Variants in DYM observed in about 807,000 individuals in gnomAD.
DYM encodes dymeclin.
A neutral mutation model predicts 93.1 loss-of-function variants in DYM; 78 were observed. The observed-to-expected ratio is 0.84, with a 90% CI of 0.70 to 1.01. DYM has a LOEUF of 1.01. Among genes scored for constraint, DYM ranks in the 50% least tolerant of loss-of-function variants. The probability of loss-of-function intolerance (pLI) is 0.00; values close to 1 mark genes in which losing one functional copy is unlikely to be tolerated. For missense variants in DYM, 789 were observed against 845.0 expected, an observed-to-expected ratio of 0.93 and a Z score of 0.82; for synonymous variants, 321 against 319.7, an observed-to-expected ratio of 1.00 and a Z score of -0.04.
chr18:49,399,790 C>A (rs985216220), intron 2 of DYM, among the ~76,000 whole-genome samples: 6 of 152,068 alleles, frequency 3.9e-5, no homozygotes, highest in Non-Finnish European at 8.8e-5. Flanking sequence ...AGACACCACT[C>A]AGACCTTCAT....
At chr18:49,106,841 T>C (rs1317232416) in intron 16 of DYM, among the ~76,000 whole-genome samples, 1 of 152,220 alleles carries the variant, frequency 6.6e-6, no homozygotes, top group African/African-American at 2.4e-5. Flanking sequence ...CCTTAACATT[T>C]TTTCCTTCAT....
At chr18:49,221,913 A>G (rs1392382375) in intron 13 of DYM, among the ~76,000 whole-genome samples, 3 of 152,052 alleles carry the variant, frequency 2.0e-5, no homozygotes, top group African/African-American at 7.2e-5. Context: ...TAATAATAAT[A>G]AAATTTAAAA....
chr18:49,416,245 A>T (rs1022504928), intron 2 of DYM, among the ~76,000 whole-genome samples: 3 of 152,220 alleles, frequency 2.0e-5, no homozygotes, highest in Non-Finnish European at 4.4e-5. Context: ...TCTACATGGT[A>T]GGGGTTATTA....
At chr18:49,357,116 C>T (rs1167772919) in intron 6 of DYM, among the ~76,000 whole-genome samples, 3 of 152,136 alleles carry the variant, frequency 2.0e-5, no homozygotes, top group African/African-American at 7.2e-5. Context: ...AGTCCCTATC[C>T]AGTTCTTTTC....
At chr18:49,086,479 C>G (rs181431976) in intron 17 of DYM, among the ~76,000 whole-genome samples, 2 of 152,178 alleles carry the variant, frequency 1.3e-5, no homozygotes, top group Non-Finnish European at 2.9e-5. Flanking sequence ...CCTCTCAATA[C>G]GGCTGCACTG....
chr18:49,457,108 C>T (rs982329417), intron 1 of DYM, among the ~76,000 whole-genome samples: 3 of 152,206 alleles, frequency 2.0e-5, no homozygotes, highest in Non-Finnish European at 4.4e-5. Flanking sequence ...CTCTACCATT[C>T]CCAGCTGAGT....
chr18:49,217,927 A>C (rs2093155569), intron 13 of DYM, among the ~76,000 whole-genome samples: 2 of 152,200 alleles, frequency 1.3e-5, no homozygotes, highest in Non-Finnish European at 2.9e-5. Flanking sequence ...ATGTAAATGG[A>C]CTAAATGCTC....
chr18:49,234,193 G>A (rs2093792878), intron 13 of DYM, among the ~76,000 whole-genome samples: 1 of 151,948 alleles, frequency 6.6e-6, no homozygotes, highest in Non-Finnish European at 1.5e-5. Context: ...GGTGGCTCAT[G>A]CCTGTAATCT....
chr18:49,355,306 A>AT (rs1196921428), intron 6 of DYM, among the ~76,000 whole-genome samples: 1 of 152,040 alleles, frequency 6.6e-6, no homozygotes, highest in Non-Finnish European at 1.5e-5. Flanking sequence ...TCTATCATAG[A>AT]TATCATAGAT....
Position 49,363,211 on chromosome 18 carries a change from CA to C in DYM, c.443del (p.Leu148TrpfsTer8). ...GNYSSDSEDL[L>X]EELLCCLMQL... is the part of the protein sequence containing the mutation. ...GCATCAAACAGCACAGCAATTCTTC[CA>C]AAAGATCTTCTGAGTCAGAACCTGG... is the stretch of plus-strand genomic sequence containing the variant. On this transcript the variant is annotated frameshift_variant, in exon 6 of 18. Transcript: ENST00000675505. LOFTEE classifies it high-confidence loss of function. 1 of 1,613,862 alleles carries C rather than the reference CA, an allele frequency of 6.2e-7. No homozygotes were observed. Among genetic ancestry groups the C allele is most frequent in the South Asian group, 1.1e-5 (1 of 91,078 alleles).
chr18:49,387,280 G>A (rs201239326), intron 3 of DYM, among the ~76,000 whole-genome samples: 6 of 125,216 alleles, frequency 4.8e-5, no homozygotes, highest in African/African-American at 1.4e-4. Flanking sequence ...CAGTGATCTC[G>A]TTTGTTTGTT....
At chr18:49,222,111 A>G (rs1244208331) in intron 13 of DYM, among the ~76,000 whole-genome samples, 1 of 152,034 alleles carries the variant, frequency 6.6e-6, no homozygotes, top group African/African-American at 2.4e-5. Context: ...ACACAAAAAA[A>G]TCCTAAACTT....
At chr18:49,255,415 C>T (rs1182352203) in intron 13 of DYM, among the ~76,000 whole-genome samples, 2 of 151,830 alleles carry the variant, frequency 1.3e-5, no homozygotes, top group African/African-American at 2.4e-5. Context: ...GTGGCTCATG[C>T]CTGTAATCCC....
At chr18:49,411,142 A>T (rs1402448164) in intron 2 of DYM, among the ~76,000 whole-genome samples, 7 of 152,214 alleles carry the variant, frequency 4.6e-5, no homozygotes, top group African/African-American at 1.4e-4. Flanking sequence ...AAGAATAAAC[A>T]TATTTAACTT....
At chr18:49,156,202 T>G (rs1208670696) in intron 15 of DYM, among the ~76,000 whole-genome samples, 5 of 152,156 alleles carry the variant, frequency 3.3e-5, no homozygotes, top group African/African-American at 9.7e-5. Flanking sequence ...TTTGGAAAAA[T>G]GTCTATTAAG....
At chr18:49,357,397 C>G (rs985039131) in intron 6 of DYM, among the ~76,000 whole-genome samples, 1 of 152,166 alleles carries the variant, frequency 6.6e-6, no homozygotes, top group South Asian at 2.1e-4. Flanking sequence ...CTAAACTAAA[C>G]GGCCCCAGAA....
chr18:49,108,883 G>A (rs565593089), intron 16 of DYM, among the ~76,000 whole-genome samples: 36 of 152,186 alleles, frequency 2.4e-4, no homozygotes, highest in African/African-American at 7.2e-4. Flanking sequence ...CATGCATTTC[G>A]AAGCTCTGTT....
chr18:49,246,395 CA>C (rs1308750284), intron 13 of DYM, among the ~76,000 whole-genome samples: 1 of 152,182 alleles, frequency 6.6e-6, no homozygotes, highest in Non-Finnish European at 1.5e-5. Context: ...TGCAATTCAT[CA>C]AGAAGGAAAA....
rs574388287 is a variant in DYM, at chr18:49,186,769, G to T, written c.1625+22782C>A. Among the ~76,000 whole-genome samples, 25 of 152,154 alleles carry T rather than the reference G, an allele frequency of 1.6e-4. No individual in the cohort carries two copies. In the South Asian group the frequency reaches 1.9e-3, roughly 11 times the overall value. ...GGGCTTTCAGGTATATCTGTATCTAGTAACCAAAAATGCACGCATAATCCA... is the reference window on the plus strand; with the variant it reads ...GGGCTTTCAGGTATATCTGTATCTATTAACCAAAAATGCACGCATAATCCA... On this transcript the variant is annotated intron_variant, in intron 14 of 17. Coordinates refer to ENST00000675505, the MANE Select transcript of DYM (RefSeq NM_001353214.3).
Sources: allele counts gnomAD v4.1 joint callset (sites outside exome capture counted in the v4.1 genomes callset), GRCh38; gene constraint gnomAD v4.1.1; transcripts MANE v1.5; gene names NCBI Gene and HGNC (gene_info 2026-07-23, HGNC 2026-07-21).